Variants in PIGG observed in about 807,000 individuals in gnomAD.
PIGG encodes GPI ethanolamine phosphate transferase 2, catalytic subunit.
A neutral mutation model predicts 83.2 loss-of-function variants in PIGG; 70 were observed. The ratio of observed to expected loss-of-function variants is 0.84; its 90% confidence interval spans 0.69 to 1.03. PIGG has a LOEUF of 1.03. Ranked by LOEUF, PIGG falls within the 50% of genes least tolerant of loss-of-function variation. The probability of loss-of-function intolerance (pLI) is 0.00; values close to 1 mark genes in which losing one functional copy is unlikely to be tolerated. For synonymous variants in PIGG, 532 were observed against 519.5 expected (o/e 1.02, Z -0.33); for missense variants, 1,257 against 1,233.6 (o/e 1.02, Z -0.28).
chr4:533,739 C>A, intron 11 of PIGG, 79 bp from the exon 12 acceptor site: 1 of 1,372,012 alleles, frequency 7.3e-7, no homozygotes, highest in Non-Finnish European at 1.0e-6. Context: ...TTCACGCTAA[C>A]ATCGTGGCTC....
rs200460044 is a variant in PIGG at position 533,999 on chromosome 4, C to T, written c.2735+18C>T. On this transcript the variant is annotated intron_variant, in intron 12 of 12. Transcript: ENST00000453061. ...ACACGCAGGTGAGGCGCCTCTCTGC[C>T]GTCAGCACAGTTCTGGGGGCCGGCT... 21 of 1,611,772 alleles carry T rather than the reference C, an allele frequency of 1.3e-5. No individual in the cohort carries two copies. The East Asian group carries it at 3.1e-4, about 24-fold the overall frequency.
At chr4:510,122 T>C (rs1721379123) in intron 5 of PIGG, among the ~76,000 whole-genome samples, 1 of 151,958 alleles carries the variant, frequency 6.6e-6, no homozygotes, top group African/African-American at 2.4e-5. Context: ...AATACAGAGG[T>C]GTGAAGTGGG....
rs1728796304 is a variant in PIGG at position 530,563 on chromosome 4, A to C, written c.2389A>C (p.Ile797Leu). ...FKLKTVGLWE[I>L]YSGLVLLAAL... ...ACTCAAGACTGTAGGTTTATGGGAG[A>C]TATATAGTGGATTAGTTCTTCTGGC... Residue 797 changes from isoleucine (I) to leucine (L), a missense_variant, in exon 11 of 13, where the codon ATA (isoleucine) becomes CTA (leucine). Ile to Leu is a conservative substitution (Grantham distance 5, BLOSUM62 2). Coordinates refer to ENST00000453061, the MANE Select transcript of PIGG (RefSeq NM_001127178.3). The C allele has an allele frequency of 1.2e-6, 2 of 1,613,634 alleles. No individual in the cohort carries two copies. The highest frequency in any genetic ancestry group is 1.7e-6 in the Non-Finnish European group (2 of 1,179,642).
chr4:528,797 A>G lies in PIGG; in HGVS notation c.2261+1567A>G. The G allele has an allele frequency of 1.1e-6, 1 of 894,822 alleles. No homozygotes were observed. Among genetic ancestry groups the G allele is most frequent in the South Asian group, 5.1e-5 (1 of 19,472 alleles). 55.4% of individuals were successfully genotyped at this position (894,822 alleles called of 1,614,324 possible). A position where few individuals can be genotyped will look rare whatever the true frequency, so the allele number is the denominator to read the frequency against. On this transcript the variant is annotated intron_variant, in intron 10 of 12. Transcript: ENST00000453061. The surrounding 1 kb of genome is among the most constrained non-coding windows in gnomAD (Gnocchi z 4.8). ...CCTTTCCTGGCCTGCTTCCTGCAGCATGTAATTTGCTAGTGTCCAGAACTA... is the reference window on the plus strand; with the variant it reads ...CCTTTCCTGGCCTGCTTCCTGCAGCGTGTAATTTGCTAGTGTCCAGAACTA...
Position 507,564 on chromosome 4 carries a change from A to T in PIGG, c.730A>T (p.Met244Leu), listed in dbSNP as rs1485745447. The T allele has an allele frequency of 3.1e-6, 5 of 1,613,776 alleles. No homozygotes were observed. Among genetic ancestry groups the T allele is most frequent in the Non-Finnish European group, 4.2e-6 (5 of 1,179,980 alleles). The change falls in exon 4 of 13, where the codon ATG (methionine) becomes TTG (leucine). Residue 244 changes from methionine (M) to leucine (L), a missense_variant. Transcript: ENST00000453061. Reference protein sequence around the residue: ...QKLSEMDSVLMKIHTSLQSKE... With the variant: ...QKLSEMDSVLLKIHTSLQSKE... ...GCTGAGCGAGATGGACAGCGTGCTG[A>T]TGAAGATCCACACCTCACTGCAGTC...
At chr4:518,802 G>A (rs146051101) in intron 6 of PIGG, among the ~76,000 whole-genome samples, 54 of 152,112 alleles carry the variant, frequency 3.6e-4, no homozygotes, top group Non-Finnish European at 6.6e-4. Context: ...CTACACCGTC[G>A]GGGATCCTTT....
At chr4:512,684 G>A (rs1305763502) in intron 5 of PIGG, among the ~76,000 whole-genome samples, 1 of 151,688 alleles carries the variant, frequency 6.6e-6, no homozygotes, top group African/African-American at 2.4e-5. Context: ...ATGTGGTGGT[G>A]GGCGCCTGTA....
intron 12 of PIGG, chr4:537,002 T>C (rs1438973622): frequency 6.6e-6 from 1 of 152,210 alleles, no homozygotes; most frequent in Non-Finnish European, 1.5e-5. Context: ...CGTTTGTGTT[T>C]GGGAGGGAAA....
rs371161635 is a variant in PIGG, at chr4:521,946, G to A, written c.1614+5G>A. On this transcript the variant is annotated splice_donor_5th_base_variant and intron_variant, in intron 8 of 12. Coordinates refer to ENST00000453061, the MANE Select transcript of PIGG (RefSeq NM_001127178.3). ...GGTGGAAACACCCCAAGGAAGGTAC[G>A]TACGGCTGGTTCCTGGGAGTGTGAC... The A allele has an allele frequency of 7.2e-5, 116 of 1,613,782 alleles. No individual in the cohort carries two copies. Among genetic ancestry groups the A allele is most frequent in the Middle Eastern group, 4.9e-4 (3 of 6,084 alleles).
chr4:506,390 G>A (rs529835976), intron 3 of PIGG, among the ~76,000 whole-genome samples: 46 of 152,278 alleles, frequency 3.0e-4, no homozygotes, highest in Middle Eastern at 6.8e-3. Context: ...TCCTGAGGGG[G>A]TTTTCCTGGA....
intron 11 of PIGG, 58 bp downstream of exon 11, chr4:530,803 ATTTTTC>A (rs1298724142): frequency 8.1e-7 from 1 of 1,227,794 alleles, no homozygotes; most frequent in African/African-American, 1.5e-5. Flanking sequence ...TTTATTTTAA[ATTTTTC>A]TTTGAGAAAA....
chr4:534,677 G>A (rs552063337), intron 12 of PIGG, among the ~76,000 whole-genome samples: 7 of 152,298 alleles, frequency 4.6e-5, no homozygotes, highest in Middle Eastern at 3.4e-3. Context: ...ACACCCACCC[G>A]TCTCCTGGCA....
At chr4:530,379 G>T in intron 10 of PIGG, 57 bp from the exon 11 acceptor site, 6 of 1,265,610 alleles carry the variant, frequency 4.7e-6, no homozygotes, top group South Asian at 3.9e-5. Flanking sequence ...ATGGGAAAAT[G>T]TTTTTGAATT....
Position 540,061 on chromosome 4 carries a change from G to C in PIGG, c.*692G>C, listed in dbSNP as rs1274979794. 1 of 152,264 alleles carries C rather than the reference G, an allele frequency of 6.6e-6. No homozygotes were observed. The highest frequency in any genetic ancestry group is 1.5e-5 in the Non-Finnish European group (1 of 68,088). 9.4% of individuals were successfully genotyped at this position (152,264 alleles called of 1,614,324 possible). Reference sequence around the variant, plus strand: ...ACACACCTGTGGTCCCAGCTACTCAGGTGGCTGAGGAAAGAGTATTGTTTC... The same window carrying C: ...ACACACCTGTGGTCCCAGCTACTCACGTGGCTGAGGAAAGAGTATTGTTTC... On this transcript the variant is annotated 3_prime_UTR_variant, in exon 13 of 13. Transcript: ENST00000453061.
Position 533,917 on chromosome 4 carries a change from A to G in PIGG, c.2671A>G (p.Thr891Ala). The G allele has an allele frequency of 6.2e-7, 1 of 1,614,102 alleles. No individual in the cohort carries two copies. Among genetic ancestry groups the G allele is most frequent in the Non-Finnish European group, 8.5e-7 (1 of 1,179,978 alleles). The change falls in exon 12 of 13, where the codon ACG (threonine) becomes GCG (alanine). Residue 891 changes from threonine to alanine, a missense_variant. Physicochemically the swap from Thr to Ala is moderately conservative, Grantham distance 58 (BLOSUM62 0). Transcript: ENST00000453061. ...AGCCGTGCTCCTGACAGCGTTTGGG[A>G]CGTACGCAGGGCCTGTGCTGTGGGC... ...IPAVLLTAFG[T>A]YAGPVLWASH...
intron 2 of PIGG, among the ~76,000 whole-genome samples, chr4:505,106 T>A (rs774468424): frequency 6.6e-6 from 1 of 152,156 alleles, no homozygotes; most frequent in Non-Finnish European, 1.5e-5. Context: ...CACAGGTTAA[T>A]GTTTCTAATG....
In PIGG at chr4:523,588, G is replaced by T. The variant is rs1409035767; in HGVS notation, c.1744G>T (p.Val582Leu). Residue 582 changes from valine to leucine, a missense_variant, in exon 9 of 13, where the codon GTG becomes TTG. Val to Leu is a conservative substitution (Grantham distance 32). Coordinates refer to ENST00000453061, the MANE Select transcript of PIGG (RefSeq NM_001127178.3). ...EEEHQTWYFL[V>L]NTLCLALSQE... The stretch of plus-strand genomic sequence containing the variant: ...GGAGCACCAGACCTGGTACTTCCTT[G>T]TGAACACCCTGTGTCTAGCTCTGAG... The T allele has an allele frequency of 1.2e-6, 2 of 1,614,056 alleles. No individual in the cohort carries two copies. Among genetic ancestry groups the T allele is most frequent in the East Asian group, 2.2e-5 (1 of 44,888 alleles).
chr4:499,464 GC>G lies in PIGG; in HGVS notation c.134del (p.Pro45GlnfsTer28). ...SSARAEHGAE[P>X]PAPEPSAGAS... is the part of the protein sequence containing the mutation. The stretch of plus-strand genomic sequence containing the variant: ...CTGCCAGAGCGGAACACGGAGCGGA[GC>G]CCCCAGCGCCCGAACCCTCGGCTGG... On this transcript the variant is annotated frameshift_variant, in exon 1 of 13. Transcript: ENST00000453061. LOFTEE classifies it high-confidence loss of function. 6.2e-7 allele frequency: 1 copy of G among 1,600,654 alleles called. No individual in the cohort carries two copies.
Position 505,769 on chromosome 4 carries a change from A to C in PIGG, c.412A>C (p.Asn138His). 1 of 1,613,772 alleles carries C rather than the reference A, an allele frequency of 6.2e-7. No homozygotes were observed. Among genetic ancestry groups the C allele is most frequent in the Non-Finnish European group, 8.5e-7 (1 of 1,179,972 alleles). Residue 138 changes from asparagine (N) to histidine (H), a missense_variant, in exon 3 of 13, where the codon AAT becomes CAT. Transcript: ENST00000453061. ...CTTTGTCGACGTCATCAGGAACCTC[A>C]ATTCTCCTGCACTGCTGGAAGACAG... ...PGFVDVIRNL[N>H]SPALLEDSVI...
Sources: gnomAD v4.1 joint callset for allele counts (sites outside exome capture counted in the v4.1 genomes callset) on GRCh38, gnomAD v4.1.1 for gene constraint, Gnocchi (gnomAD v3.1) non-coding constraint, MANE v1.5 for transcripts, NCBI Gene and HGNC (gene_info 2026-07-23, HGNC 2026-07-21) for gene names.